The following FERRY3 variants were observed in gnomAD, a reference collection of about 807,000 sequenced individuals.
FERRY3 encodes protein C12orf4.
At chr12:4,491,477 C>A in the FERRY3 span, among the ~76,000 whole-genome samples, 2 of 152,172 alleles carry the variant, frequency 1.3e-5, no homozygotes, top group South Asian at 2.1e-4. Flanking sequence ...ATATATATAT[C>A]CTTAATTTTT....
the FERRY3 span, chr12:4,534,186 C>T: frequency 6.2e-7 from 1 of 1,610,382 alleles, no homozygotes; most frequent in Non-Finnish European, 8.5e-7. Context: ...CATGTACTCG[C>T]CAGCTGATGT....
At chr12:4,504,840 C>T in the FERRY3 span, among the ~76,000 whole-genome samples, 16 of 152,098 alleles carry the variant, frequency 1.1e-4, no homozygotes, top group African/African-American at 3.1e-4. Context: ...TGGTGGCTCA[C>T]GCTTGTAATC....
the FERRY3 span, chr12:4,505,527 G>T: frequency 3.2e-6 from 2 of 617,890 alleles, no homozygotes; most frequent in Non-Finnish European, 5.7e-6. Flanking sequence ...TTACATGGAT[G>T]ATGTCATTTA....
chr12:4,529,766 T>C, the FERRY3 span: 2 of 1,023,262 alleles, frequency 2.0e-6, no homozygotes, highest in South Asian at 3.6e-5. Context: ...AAGTTTTTTT[T>C]TCTATCTTAT....
the FERRY3 span, among the ~76,000 whole-genome samples, chr12:4,502,646 A>T: frequency 5.3e-5 from 8 of 152,228 alleles, no homozygotes; most frequent in Non-Finnish European, 1.0e-4. The surrounding 1 kb of genome is among the most constrained non-coding windows in gnomAD (Gnocchi z 4.2). Flanking sequence ...CCCTTGCAGC[A>T]ACATCATTAT....
the FERRY3 span, among the ~76,000 whole-genome samples, chr12:4,530,795 C>T: frequency 6.6e-6 from 1 of 152,076 alleles, no homozygotes; most frequent in Non-Finnish European, 1.5e-5. Context: ...GCCCTCAGCA[C>T]ACACGAATAC....
the FERRY3 span, among the ~76,000 whole-genome samples, chr12:4,516,280 C>T: frequency 2.6e-5 from 4 of 152,228 alleles, no homozygotes; most frequent in South Asian, 4.1e-4. Flanking sequence ...TGAAATTTAA[C>T]AATAGTTTTC....
chr12:4,500,096 T>C, the FERRY3 span: 13 of 1,542,964 alleles, frequency 8.4e-6, no homozygotes, highest in Non-Finnish European at 1.1e-5. Context: ...AATATTATGA[T>C]TATGTAAATC....
the FERRY3 span, among the ~76,000 whole-genome samples, chr12:4,520,861 A>C: frequency 6.6e-6 from 1 of 152,236 alleles, no homozygotes; most frequent in African/African-American, 2.4e-5. Flanking sequence ...ATGCATTTTC[A>C]GATTTCTCCA....
At chr12:4,492,693 A>AGTTACCACTATG in the FERRY3 span, among the ~76,000 whole-genome samples, 1 of 152,054 alleles carries the variant, frequency 6.6e-6, no homozygotes, top group African/African-American at 2.4e-5. Context: ...CCTCAAGGCT[A>AGTTACCACTATG]GTTACCACTA....
chr12:4,503,387 G>A, the FERRY3 span, among the ~76,000 whole-genome samples: 2 of 152,158 alleles, frequency 1.3e-5, no homozygotes, highest in Non-Finnish European at 2.9e-5. Flanking sequence ...GAAAAATAAT[G>A]CTGATTGCTT....
the FERRY3 span, among the ~76,000 whole-genome samples, chr12:4,523,021 T>C: frequency 6.6e-6 from 1 of 152,234 alleles, no homozygotes; most frequent in Non-Finnish European, 1.5e-5. Context: ...GTGATGATTT[T>C]ATGACTAAGT....
chr12:4,500,366 T>C, the FERRY3 span: 4 of 1,591,256 alleles, frequency 2.5e-6, no homozygotes, highest in Non-Finnish European at 3.4e-6. Flanking sequence ...ACAATCATGA[T>C]TACCAAATGC....
chr12:4,515,028 T>C, the FERRY3 span, among the ~76,000 whole-genome samples: 4 of 152,210 alleles, frequency 2.6e-5, no homozygotes, highest in Admixed American at 2.6e-4. Context: ...CATGTATACA[T>C]ATGTAACTAA....
At chr12:4,519,176 A>G in the FERRY3 span, among the ~76,000 whole-genome samples, 1 of 152,252 alleles carries the variant, frequency 6.6e-6, no homozygotes, top group Non-Finnish European at 1.5e-5. This position sits in a 1 kb window ranked among gnomAD's most constrained non-coding sequence, Gnocchi z 4.3. Flanking sequence ...GATTAAATGA[A>G]GCGATTAACT....
At chr12:4,513,467 G>A in the FERRY3 span, among the ~76,000 whole-genome samples, 2 of 149,908 alleles carry the variant, frequency 1.3e-5, no homozygotes, top group Admixed American at 1.3e-4. Flanking sequence ...CAAAGCTGGA[G>A]GCATCACACT....
At chr12:4,531,837 C>T in the FERRY3 span, among the ~76,000 whole-genome samples, 1 of 152,202 alleles carries the variant, frequency 6.6e-6, no homozygotes, top group African/African-American at 2.4e-5. Flanking sequence ...TGCCATCAAC[C>T]TGGGTTACTT....
chr12:4,522,570 C>T, the FERRY3 span, among the ~76,000 whole-genome samples: 5 of 152,252 alleles, frequency 3.3e-5, no homozygotes, highest in East Asian at 5.8e-4. Context: ...GTGGTGGGAA[C>T]GCAAAATTGT....
chr12:4,525,094 G>GCATGTTCTCACTCATAGGTGAGAATTGAA, the FERRY3 span: 1 of 844,202 alleles, frequency 1.2e-6, no homozygotes, highest in South Asian at 2.0e-5. Flanking sequence ...TCCACATAAA[G>GCATGTTCTCACTCATAGGTGAGAATTGAA]CCTATAATGC....
Sources: gnomAD v4.1 joint callset for allele counts (sites outside exome capture counted in the v4.1 genomes callset) on GRCh38, gnomAD v4.1.1 for gene constraint, Gnocchi (gnomAD v3.1) non-coding constraint, MANE v1.5 for transcripts, NCBI Gene and HGNC (gene_info 2026-07-23, HGNC 2026-07-21) for gene names.